The following ANK1 variants were observed in gnomAD, a reference collection of about 807,000 sequenced individuals.
ANK1 encodes ankyrin-1.
ANK1 carries 51 observed loss-of-function variants against 210.4 expected under a neutral mutation model. The observed-to-expected ratio is 0.24, with a 90% confidence interval of 0.19 to 0.31. The LOEUF is 0.31. Among genes scored for constraint, ANK1 ranks in the 10% least tolerant of loss-of-function variants. The pLI is 1.00. For missense variants in ANK1, 2,051 were observed against 2,504.4 expected, an observed-to-expected ratio of 0.82 and a Z score of 3.86; for synonymous variants, 967 against 1,025.9, an observed-to-expected ratio of 0.94 and a Z score of 1.10.
At chr8:41,805,653 T>C (rs1277133672) in intron 1 of ANK1, among the ~76,000 whole-genome samples, 2 of 152,228 alleles carry the variant, frequency 1.3e-5, no homozygotes, top group African/African-American at 4.8e-5. Flanking sequence ...CATTTGAACA[T>C]AGCATAATAA....
intron 37 of ANK1, among the ~76,000 whole-genome samples, chr8:41,681,511 A>G (rs1816016421): frequency 6.6e-6 from 1 of 152,228 alleles, no homozygotes; most frequent in Non-Finnish European, 1.5e-5. Flanking sequence ...CAGGCTTCTA[A>G]TTCCTGGACA....
At chr8:41,713,037 G>A (rs565185472) in intron 16 of ANK1, among the ~76,000 whole-genome samples, 13 of 152,220 alleles carry the variant, frequency 8.5e-5, no homozygotes, top group Non-Finnish European at 1.6e-4. Context: ...ATGGGGACAC[G>A]TGTCTGTCCA....
chr8:41,811,427 C>T (rs1480489170), intron 1 of ANK1, among the ~76,000 whole-genome samples: 2 of 152,208 alleles, frequency 1.3e-5, no homozygotes, highest in Non-Finnish European at 1.5e-5. Flanking sequence ...TCTGCAAAGG[C>T]GGTTTCAGAA....
At chr8:41,823,233 T>A (rs1035000187) in intron 1 of ANK1, among the ~76,000 whole-genome samples, 12 of 152,088 alleles carry the variant, frequency 7.9e-5, no homozygotes, top group Non-Finnish European at 1.8e-4. Context: ...ATAGAATTAC[T>A]TGGAAACACT....
intron 1 of ANK1, among the ~76,000 whole-genome samples, chr8:41,887,838 G>C (rs922389339): frequency 1.3e-5 from 2 of 152,202 alleles, no homozygotes; most frequent in African/African-American, 4.8e-5. Context: ...GCATGTTTTT[G>C]GTGAATGTAA....
chr8:41,884,908 G>A (rs1369131221), intron 1 of ANK1, among the ~76,000 whole-genome samples: 1 of 152,176 alleles, frequency 6.6e-6, no homozygotes, highest in Non-Finnish European at 1.5e-5. Context: ...TGCGCAAGGT[G>A]TGGGTCAAGG....
At chr8:41,729,146 G>A (rs950238436) in intron 3 of ANK1, among the ~76,000 whole-genome samples, 8 of 152,158 alleles carry the variant, frequency 5.3e-5, no homozygotes, top group African/African-American at 1.9e-4. Context: ...AGAAAAATCA[G>A]AAAATAAATG....
chr8:41,858,034 C>T (rs1316688345), intron 1 of ANK1, among the ~76,000 whole-genome samples: 2 of 152,114 alleles, frequency 1.3e-5, no homozygotes, highest in Non-Finnish European at 2.9e-5. Flanking sequence ...TTGAGGCCAT[C>T]CTGGACAACA....
chr8:41,852,232 A>C (rs1811387906), intron 1 of ANK1, among the ~76,000 whole-genome samples: 1 of 152,054 alleles, frequency 6.6e-6, no homozygotes, highest in Admixed American at 6.5e-5. Flanking sequence ...GGGAGAAAGG[A>C]GGGGTGAGTA....
In ANK1 at chr8:41,733,893, T is replaced by C. The variant is rs1832799438; in HGVS notation, c.228+78A>G. ...TCAGATGCATGCCTGAGTTCTCTCATGAAGGACTGGTTTCTAAGGAAGGAC... is the reference window on the plus strand; with the variant it reads ...TCAGATGCATGCCTGAGTTCTCTCACGAAGGACTGGTTTCTAAGGAAGGAC... On this transcript the variant is annotated intron_variant, in intron 3 of 42. Transcript: ENST00000289734. 107 of 1,184,566 alleles carry C rather than the reference T, an allele frequency of 9.0e-5. 2 individuals carry two copies. The South Asian group carries it at 1.3e-3, about 14-fold the overall frequency. 73.4% of individuals were successfully genotyped at this position (1,184,566 alleles called of 1,614,324 possible). A position where few individuals can be genotyped will look rare whatever the true frequency, so the allele number is the denominator to read the frequency against.
chr8:41,787,390 T>G (rs943653398), intron 1 of ANK1, among the ~76,000 whole-genome samples: 3 of 152,220 alleles, frequency 2.0e-5, no homozygotes, highest in Non-Finnish European at 4.4e-5. Flanking sequence ...CACACAGTCC[T>G]AGGTCAGACC....
intron 1 of ANK1, among the ~76,000 whole-genome samples, chr8:41,822,122 GAGAAAGAAAGAGAAAGAA>G (rs1247082258): frequency 0.013 from 403 of 31,846 alleles, 3 homozygotes; most frequent in Middle Eastern, 0.038. Flanking sequence ...GAGAAAGAAA[GAGAAAGAAAGAGAAAGAA>G]AGAAAGAAAG....
At chr8:41,716,864 C>T in intron 13 of ANK1, 89 bp downstream of exon 13, 1 of 1,338,632 alleles carries the variant, frequency 7.5e-7, no homozygotes, top group Non-Finnish European at 1.1e-6. Flanking sequence ...CACAGCACTG[C>T]AGCCCCGCCT....
At chr8:41,888,280 A>G (rs1818803989) in intron 1 of ANK1, among the ~76,000 whole-genome samples, 2 of 152,192 alleles carry the variant, frequency 1.3e-5, no homozygotes, top group African/African-American at 4.8e-5. Context: ...CAAATGCCAA[A>G]TCAAGAAGGG....
At chr8:41,828,216 A>C (rs1157887687) in intron 1 of ANK1, 2 of 152,610 alleles carry the variant, frequency 1.3e-5, no homozygotes, top group East Asian at 3.9e-4. Context: ...TAGAGGAGGA[A>C]GCAGGAACAC....
intron 16 of ANK1, among the ~76,000 whole-genome samples, chr8:41,712,531 C>G (rs929980597): frequency 6.6e-6 from 1 of 152,196 alleles, no homozygotes; most frequent in African/African-American, 2.4e-5. Context: ...AGGACAAGGA[C>G]AACTAGGCTG....
intron 2 of ANK1, among the ~76,000 whole-genome samples, chr8:41,744,537 T>C (rs1032160133): frequency 4.6e-4 from 3 of 6,548 alleles, no homozygotes; most frequent in Middle Eastern, 0.17. Flanking sequence ...ATTTCTTTTC[T>C]TTTTTTTTTT....
At chr8:41,690,092 C>A in intron 33 of ANK1, 135 bp downstream of exon 33, 1 of 1,419,706 alleles carries the variant, frequency 7.0e-7, no homozygotes, top group Non-Finnish European at 9.7e-7. Context: ...GAGCTCAGCA[C>A]CTTTGCATGC....
chr8:41,856,804 A>C (rs535571805), intron 1 of ANK1, among the ~76,000 whole-genome samples: 3 of 152,142 alleles, frequency 2.0e-5, no homozygotes, highest in Non-Finnish European at 4.4e-5. Flanking sequence ...TCTGGTCCCA[A>C]GCATTCTGCA....
Sources: gnomAD v4.1 joint callset for allele counts (sites outside exome capture counted in the v4.1 genomes callset) on GRCh38, gnomAD v4.1.1 for gene constraint, MANE v1.5 for transcripts, NCBI Gene and HGNC (gene_info 2026-07-23, HGNC 2026-07-21) for gene names.